Variants in SMARCA4 observed in about 807,000 individuals in gnomAD.
The protein encoded by SMARCA4 is SWI/SNF-related matrix-associated actin-dependent regulator of chromatin subfamily A member 4.
Under a neutral mutation model 193.9 loss-of-function variants are expected in SMARCA4, and 31 were observed. The observed-to-expected ratio is 0.16, with a 90% CI of 0.12 to 0.22. SMARCA4 has a LOEUF of 0.22. Ranked by LOEUF, SMARCA4 falls within the 10% of genes least tolerant of loss-of-function variation. The probability of loss-of-function intolerance (pLI) is 1.00; values close to 1 mark genes in which losing one functional copy is unlikely to be tolerated. For missense variants in SMARCA4, 1,148 were observed against 2,296.0 expected, an observed-to-expected ratio of 0.50 and a Z score of 10.22; for synonymous variants, 942 against 933.1, an observed-to-expected ratio of 1.01 and a Z score of -0.17.
At position 11,041,242 on chromosome 19, in the gene SMARCA4, C is replaced by T. The variant is rs937111255; in HGVS notation, c.4171-65C>T. 5.4e-5 allele frequency: 83 copies of T among 1,532,760 alleles called. No individual in the cohort carries two copies. The highest frequency in any genetic ancestry group is 3.3e-4 in the African/African-American group (24 of 73,174). 94.9% of individuals were successfully genotyped at this position (1,532,760 alleles called of 1,614,324 possible). ...TGTCCCAGCCCGGCCCCTGGGATTG[C>T]GTCGCGGCCTCTGCTTGTCGACCTG... On this transcript the variant is annotated intron_variant, in intron 29 of 34. Transcript: ENST00000344626. This position sits in a 1 kb window ranked among gnomAD's most constrained non-coding sequence, Gnocchi z 5.6.
Position 11,003,109 on chromosome 19 carries a change from A to C in SMARCA4, c.1893A>C (p.Thr631=). ...HVESGKILTG[T]DAPKAGQLEA... is the part of the protein sequence containing the mutation. ...AGAGTGGGAAGATCCTCACAGGCACAGATGCCCCCAAAGCCGGGCAGCTGG... is the reference window on the plus strand; with the variant it reads ...AGAGTGGGAAGATCCTCACAGGCACCGATGCCCCCAAAGCCGGGCAGCTGG... Residue 631 remains threonine, a synonymous_variant, in exon 12 of 35, where the codon ACA becomes ACC. Coordinates refer to ENST00000344626, the MANE Select transcript of SMARCA4 (RefSeq NM_003072.5). The C allele has an allele frequency of 6.2e-7, 1 of 1,614,136 alleles. No homozygotes were observed.
At chr19:11,020,365 A>C (rs372194845) in intron 18 of SMARCA4, among the ~76,000 whole-genome samples, 1 of 152,020 alleles carries the variant, frequency 6.6e-6, no homozygotes, top group Middle Eastern at 3.2e-3. Flanking sequence ...TCTCACCCCT[A>C]AACATCCAGC....
intron 1 of SMARCA4, among the ~76,000 whole-genome samples, chr19:10,979,604 C>T (rs759564545): frequency 2.6e-5 from 4 of 151,290 alleles, no homozygotes; most frequent in Non-Finnish European, 5.9e-5. Flanking sequence ...TGGACTCAAG[C>T]GATCCTTCTG....
Position 11,058,975 on chromosome 19 carries a change from T to A in SMARCA4, c.4635+86T>A. 3.6e-6 allele frequency: 4 copies of A among 1,097,400 alleles called. No individual in the cohort carries two copies. The highest frequency in any genetic ancestry group is 5.5e-6 in the Non-Finnish European group (4 of 727,634). 68.0% of individuals were successfully genotyped at this position (1,097,400 alleles called of 1,614,324 possible). On this transcript the variant is annotated intron_variant, in intron 32 of 34. Transcript: ENST00000344626. The surrounding 1 kb of genome is among the most constrained non-coding windows in gnomAD (Gnocchi z 5.8). Reference sequence around the variant, plus strand: ...CGCCCCTCCTTCCCTTCTGAATTGATGGGTTAAAAACAAGTCCCGCTAGCT... The same window carrying A: ...CGCCCCTCCTTCCCTTCTGAATTGAAGGGTTAAAAACAAGTCCCGCTAGCT...
intron 8 of SMARCA4, among the ~76,000 whole-genome samples, chr19:10,994,400 T>G (rs1238099676): frequency 6.8e-6 from 1 of 146,544 alleles, no homozygotes; most frequent in East Asian, 2.0e-4. Flanking sequence ...CTCGGCTCAC[T>G]GCAAGCTCCG....
rs1040646221 is a variant in SMARCA4, at chr19:11,033,901, T to C, written c.3873+36T>C. On this transcript the variant is annotated intron_variant, in intron 27 of 34. Transcript: ENST00000344626. This position sits in a 1 kb window ranked among gnomAD's most constrained non-coding sequence, Gnocchi z 9.8. ...TAGTTCAGTCTCCATGCCCATTCAA[T>C]CCTCGGCTTCTCGGCTGAGACGGCC... 1.3e-6 allele frequency: 1 copy of C among 771,492 alleles called. No individual in the cohort carries two copies. Among genetic ancestry groups the C allele is most frequent in the African/African-American group, 1.7e-5 (1 of 59,060 alleles). The allele number at this position is 771,492 out of a possible 1,614,324, so 47.8% of individuals were successfully genotyped here. A position where few individuals can be genotyped will look rare whatever the true frequency, so the allele number is the denominator to read the frequency against.
intron 14 of SMARCA4, chr19:11,008,314 A>C (rs1600170516): frequency 5.2e-6 from 2 of 382,558 alleles, no homozygotes; most frequent in Admixed American, 3.5e-5. Context: ...CCTTTCCACT[A>C]CCCTCCCTGG....
At chr19:11,008,596 G>C (rs11085753) in intron 14 of SMARCA4, among the ~76,000 whole-genome samples, 61,974 of 152,006 alleles carry the variant, frequency 0.41, 12,855 homozygotes, top group East Asian at 0.56. Flanking sequence ...GGTTATATTT[G>C]TCATCTTTTG....
rs1314052522 is a variant in SMARCA4, at chr19:10,985,659, G to A, written c.355+254G>A. Among the ~76,000 whole-genome samples, 1 of 152,206 alleles carries A rather than the reference G, an allele frequency of 6.6e-6. No homozygotes were observed. Among genetic ancestry groups the A allele is most frequent in the East Asian group, 1.9e-4 (1 of 5,196 alleles). Reference sequence around the variant, plus strand: ...CATGTTCAGCATGGGTGATAGAGGAGGGCTGTGCAGGGCAGCAGCCCCGTG... The same window carrying A: ...CATGTTCAGCATGGGTGATAGAGGAAGGCTGTGCAGGGCAGCAGCCCCGTG... On this transcript the variant is annotated intron_variant, in intron 3 of 34. Transcript: ENST00000344626. The surrounding 1 kb of genome is among the most constrained non-coding windows in gnomAD (Gnocchi z 4.5).
At chr19:10,982,891 G>A (rs1317532233) in intron 1 of SMARCA4, among the ~76,000 whole-genome samples, 1 of 152,190 alleles carries the variant, frequency 6.6e-6, no homozygotes, top group Non-Finnish European at 1.5e-5. Flanking sequence ...ATATGCCGGA[G>A]AGTTCAGGGG....
chr19:11,010,987 G>A (rs754198370), intron 15 of SMARCA4: 45 of 259,920 alleles, frequency 1.7e-4, no homozygotes, highest in African/African-American at 5.7e-4. Context: ...TCTAGGAGCC[G>A]GCAGCCCTGG....
chr19:10,967,384 C>T (rs939422368), intron 1 of SMARCA4, among the ~76,000 whole-genome samples: 2 of 152,126 alleles, frequency 1.3e-5, no homozygotes, highest in Non-Finnish European at 2.9e-5. Context: ...GATCTCAGCT[C>T]ACTGCAAGCT....
At chr19:11,036,524 G>A (rs982073455) in intron 29 of SMARCA4, among the ~76,000 whole-genome samples, 1 of 152,172 alleles carries the variant, frequency 6.6e-6, no homozygotes, top group Non-Finnish European at 1.5e-5. Flanking sequence ...CTGCAGAGTA[G>A]CTGGGATTAC....
Position 11,034,531 on chromosome 19 carries a change from C to A in SMARCA4, c.3951+331C>A, listed in dbSNP as rs531143117. Among the ~76,000 whole-genome samples the A allele has an allele frequency of 2.0e-5, 3 of 152,304 alleles. No individual in the cohort carries two copies. Among genetic ancestry groups the A allele is most frequent in the African/African-American group, 7.2e-5 (3 of 41,582 alleles). ...ATCCAAGGCCAAGGGACTGACCAGG[C>A]CTTCAGTCGCAGAGCCCCCTTGCCC... is the stretch of plus-strand genomic sequence containing the variant. On this transcript the variant is annotated intron_variant, in intron 28 of 34. Coordinates refer to ENST00000344626, the MANE Select transcript of SMARCA4 (RefSeq NM_003072.5). The surrounding 1 kb of genome is among the most constrained non-coding windows in gnomAD (Gnocchi z 7.0).
Position 11,058,945 on chromosome 19 carries a change from C to A in SMARCA4, c.4635+56C>A. On this transcript the variant is annotated intron_variant, in intron 32 of 34. Coordinates refer to ENST00000344626, the MANE Select transcript of SMARCA4 (RefSeq NM_003072.5). This position sits in a 1 kb window ranked among gnomAD's most constrained non-coding sequence, Gnocchi z 5.8. ...CCACTCCCACAGCTGGGCTTTGACC[C>A]AACCCGCCCCTCCTTCCCTTCTGAA... The A allele has an allele frequency of 1.5e-6, 2 of 1,324,904 alleles. No homozygotes were observed. Among genetic ancestry groups the A allele is most frequent in the South Asian group, 1.2e-5 (1 of 84,894 alleles). 82.1% of individuals were successfully genotyped at this position (1,324,904 alleles called of 1,614,324 possible). A position where few individuals can be genotyped will look rare whatever the true frequency, so the allele number is the denominator to read the frequency against.
At chr19:10,997,351 A>G (rs1376130768) in intron 11 of SMARCA4, among the ~76,000 whole-genome samples, 1 of 151,744 alleles carries the variant, frequency 6.6e-6, no homozygotes, top group Non-Finnish European at 1.5e-5. Context: ...GGCACCTGCT[A>G]CCACGCCCGG....
At position 11,058,266 on chromosome 19, in the gene SMARCA4, G is replaced by A. The variant is rs1057523566; in HGVS notation, c.4436G>A (p.Arg1479His). 4 of 1,612,156 alleles carry A rather than the reference G, an allele frequency of 2.5e-6. No individual in the cohort carries two copies. Among genetic ancestry groups the A allele is most frequent in the Admixed American group, 1.7e-5 (1 of 59,986 alleles). The stretch of plus-strand genomic sequence containing the variant: ...GTTCTGCCTTGCAGCAGCAGTGGAC[G>A]TCAGCTCAGCGAGGTCTTCATCCAG... The part of the protein sequence containing the change: ...VIKYKDSSSG[R>H]QLSEVFIQLP... Residue 1479 changes from arginine (R) to histidine (H), a missense_variant, in exon 31 of 35, where the codon CGT (arginine) becomes CAT (histidine). This residue lies in a region of SMARCA4 where 141 missense variants were observed against 193.0 expected (regional missense o/e 0.73). Coordinates refer to ENST00000344626, the MANE Select transcript of SMARCA4 (RefSeq NM_003072.5). The surrounding 1 kb of genome is among the most constrained non-coding windows in gnomAD (Gnocchi z 5.8).
intron 30 of SMARCA4, among the ~76,000 whole-genome samples, chr19:11,048,585 AGT>A (rs2076081896): frequency 6.6e-6 from 1 of 152,120 alleles, no homozygotes; most frequent in Non-Finnish European, 1.5e-5. Flanking sequence ...CGAGCTGGAG[AGT>A]GTGCCCATGA....
At chr19:10,980,490 A>G (rs1484012806) in intron 1 of SMARCA4, among the ~76,000 whole-genome samples, 1 of 152,034 alleles carries the variant, frequency 6.6e-6, no homozygotes, top group East Asian at 1.9e-4. Context: ...AGTGTAAAGT[A>G]CGATTAGGTG....
Sources: gnomAD v4.1 joint callset for allele counts (sites outside exome capture counted in the v4.1 genomes callset) on GRCh38, gnomAD v4.1.1 for gene constraint, gnomAD v4.1.1 regional missense constraint, Gnocchi (gnomAD v3.1) non-coding constraint, MANE v1.5 for transcripts, NCBI Gene and HGNC (gene_info 2026-07-23, HGNC 2026-07-21) for gene names.